The following SMYD3 variants were observed in gnomAD, a reference collection of about 807,000 sequenced individuals.
The protein encoded by SMYD3 is histone-lysine N-methyltransferase SMYD3.
A neutral mutation model predicts 57.7 loss-of-function variants in SMYD3; 36 were observed. That is an observed-to-expected ratio of 0.62 (90% CI 0.48 to 0.82). SMYD3 has a LOEUF of 0.82. Ranked by LOEUF, SMYD3 falls within the 40% of genes least tolerant of loss-of-function variation. The pLI, the probability that SMYD3 is intolerant of heterozygous loss-of-function variation, is 0.00. For synonymous variants in SMYD3, 211 were observed against 195.0 expected, an observed-to-expected ratio of 1.08 and a Z score of -0.68; for missense variants, 515 against 538.8, an observed-to-expected ratio of 0.96 and a Z score of 0.44.
At chr1:246,479,905 T>C (rs1199101351) in intron 1 of SMYD3, among the ~76,000 whole-genome samples, 1 of 152,130 alleles carries the variant, frequency 6.6e-6, no homozygotes, top group Non-Finnish European at 1.5e-5. Context: ...ATCTGCTGTA[T>C]CTTCAGTACC....
chr1:246,201,732 G>A (rs1251209245), intron 5 of SMYD3, among the ~76,000 whole-genome samples: 2 of 152,150 alleles, frequency 1.3e-5, no homozygotes, highest in Non-Finnish European at 2.9e-5. Context: ...CTATTTTCAG[G>A]CCAGGCGCGG....
chr1:246,304,393 A>AAAAACTAGTTC lies in SMYD3; in HGVS notation c.531+22807_531+22808insGAACTAGTTTT, dbSNP rs2064945107. Among the ~76,000 whole-genome samples, 3 of 152,342 alleles carry AAAAACTAGTTC rather than the reference A, an allele frequency of 2.0e-5. No homozygotes were observed. In the South Asian group the frequency reaches 6.2e-4, roughly 32 times the overall value. On this transcript the variant is annotated intron_variant, in intron 5 of 11. Transcript: ENST00000490107. ...AAAAACTAGTTCAAAGCACATTGTAAAAATAATAAACATGAAAGACTTTCA... is the reference window on the plus strand; with the variant it reads ...AAAAACTAGTTCAAAGCACATTGTAAAAAACTAGTTCAAATAATAAACATGAAAGACTTTCA...
At chr1:245,947,544 C>A in intron 5 of SMYD3, 1 of 375,018 alleles carries the variant, frequency 2.7e-6, no homozygotes, top group Non-Finnish European at 5.4e-6. Flanking sequence ...CATTTCTAAA[C>A]CATCGGCTAA....
At chr1:246,067,054 A>G (rs1456987742) in intron 5 of SMYD3, among the ~76,000 whole-genome samples, 1 of 152,200 alleles carries the variant, frequency 6.6e-6, no homozygotes, top group Non-Finnish European at 1.5e-5. Context: ...TCCGGTGAAT[A>G]AGAGCTGGTA....
At chr1:245,781,702 C>T (rs2046832616) in intron 10 of SMYD3, among the ~76,000 whole-genome samples, 1 of 152,134 alleles carries the variant, frequency 6.6e-6, no homozygotes, top group East Asian at 1.9e-4. Context: ...ATGTCTGGGC[C>T]AGGTGCGCTG....
chr1:245,832,879 C>T (rs545356285), intron 10 of SMYD3, among the ~76,000 whole-genome samples: 43 of 151,928 alleles, frequency 2.8e-4, no homozygotes, highest in African/African-American at 1.0e-3. Flanking sequence ...ATTGACTTTG[C>T]TAAGTGTCAG....
intron 5 of SMYD3, among the ~76,000 whole-genome samples, chr1:246,275,659 G>C (rs1238891789): frequency 6.7e-6 from 1 of 149,320 alleles, no homozygotes; most frequent in East Asian, 2.0e-4. Context: ...TGCCTCTAGT[G>C]GAGTCTGATG....
chr1:245,759,843 C>T (rs1425261011), intron 11 of SMYD3, among the ~76,000 whole-genome samples: 2 of 152,136 alleles, frequency 1.3e-5, no homozygotes, highest in African/African-American at 4.8e-5. Flanking sequence ...TGAAAAGCAA[C>T]TACACTAGGG....
chr1:245,912,668 A>G (rs1217195306), intron 8 of SMYD3, among the ~76,000 whole-genome samples: 1 of 152,238 alleles, frequency 6.6e-6, no homozygotes, highest in Non-Finnish European at 1.5e-5. Flanking sequence ...ATATAGACCA[A>G]TGGAACAGAA....
rs536416539 is a variant in SMYD3, at chr1:246,277,196, C to CA, written c.531+50004dup. 6.4e-3 allele frequency among the ~76,000 whole-genome samples: 900 copies of CA among 141,732 alleles called. 6 individuals are homozygous for CA. Among genetic ancestry groups the CA allele is most frequent in the East Asian group, 6.7e-3 (33 of 4,948 alleles). 93.0% of individuals were successfully genotyped at this position (141,732 alleles called of 152,430 possible). ...GCATTCAGCTTAGGCAACCTTGTTT[C>CA]AAAAAAAAAAAGTGCAAGGTTTCAG... On this transcript the variant is annotated intron_variant, in intron 5 of 11. Transcript: ENST00000490107.
At chr1:245,991,735 G>C (rs1215640707) in intron 5 of SMYD3, among the ~76,000 whole-genome samples, 1 of 152,184 alleles carries the variant, frequency 6.6e-6, no homozygotes, top group Non-Finnish European at 1.5e-5. Flanking sequence ...AAGCCAATGT[G>C]TTTTACAACT....
intron 2 of SMYD3, among the ~76,000 whole-genome samples, chr1:246,345,993 C>A (rs1267570848): frequency 1.3e-5 from 2 of 152,126 alleles, no homozygotes; most frequent in Non-Finnish European, 2.9e-5. Flanking sequence ...AATCATAGAA[C>A]TATAGAACTG....
intron 5 of SMYD3, among the ~76,000 whole-genome samples, chr1:246,231,430 T>C (rs1409013490): frequency 6.6e-6 from 1 of 152,204 alleles, no homozygotes; most frequent in Non-Finnish European, 1.5e-5. Flanking sequence ...TAAAAGCATG[T>C]AATATAACAA....
intron 1 of SMYD3, among the ~76,000 whole-genome samples, chr1:246,439,775 A>G (rs1275035324): frequency 1.3e-5 from 2 of 152,124 alleles, no homozygotes; most frequent in Non-Finnish European, 2.9e-5. Flanking sequence ...TGGCGAGACC[A>G]CATCTCTACT....
At chr1:246,128,774 C>CGT (rs149873386) in intron 5 of SMYD3, among the ~76,000 whole-genome samples, 1 of 151,726 alleles carries the variant, frequency 6.6e-6, no homozygotes, top group Non-Finnish European at 1.5e-5. Context: ...CTCCATTGTG[C>CGT]GTGTGTGTGT....
intron 5 of SMYD3, among the ~76,000 whole-genome samples, chr1:246,198,967 T>G (rs2062866702): frequency 6.6e-6 from 1 of 152,162 alleles, no homozygotes. Flanking sequence ...AATTTTTGCT[T>G]ATAATTTCAA....
chr1:246,361,127 T>C (rs777170326), intron 1 of SMYD3, among the ~76,000 whole-genome samples: 18 of 152,108 alleles, frequency 1.2e-4, no homozygotes, highest in Admixed American at 2.0e-4. Flanking sequence ...CATCAAAAAG[T>C]GGGCTAAAGA....
intron 1 of SMYD3, among the ~76,000 whole-genome samples, chr1:246,462,718 G>A (rs1166823384): frequency 1.3e-5 from 2 of 152,138 alleles, no homozygotes; most frequent in African/African-American, 4.8e-5. Context: ...AAGAAATCAG[G>A]ATTCAGAGAA....
At chr1:245,844,937 C>G (rs2050589701) in intron 10 of SMYD3, among the ~76,000 whole-genome samples, 1 of 151,974 alleles carries the variant, frequency 6.6e-6, no homozygotes, top group Non-Finnish European at 1.5e-5. Flanking sequence ...TTGGAAAAAC[C>G]AAAAATAATC....
Sources: allele counts gnomAD v4.1 joint callset (sites outside exome capture counted in the v4.1 genomes callset), GRCh38; gene constraint gnomAD v4.1.1; transcripts MANE v1.5; gene names NCBI Gene and HGNC (gene_info 2026-07-23, HGNC 2026-07-21).